Variants in SORL1 observed in about 807,000 individuals in gnomAD.
SORL1 encodes sortilin related receptor 1.
A neutral mutation model predicts 273.7 loss-of-function variants in SORL1; 127 were observed. The ratio of observed to expected loss-of-function variants is 0.46; its 90% CI spans 0.40 to 0.54. The LOEUF (loss-of-function observed/expected upper bound fraction) is 0.54. SORL1 is among the 20% of genes least tolerant of loss of function. The pLI is 0.00. For synonymous variants in SORL1, 1,031 were observed against 1,067.4 expected, an observed-to-expected ratio of 0.97 and a Z score of 0.66; for missense variants, 2,494 against 2,846.1, an observed-to-expected ratio of 0.88 and a Z score of 2.81.
rs573986189 is a variant in SORL1, at chr11:121,544,256, C to G, written c.1864+530C>G. ...CCTCTCAGCCTTGGCTAACCTGATT[C>G]TAGCTGCCCGGAGTGCCCTGTTTCT... On this transcript the variant is annotated intron_variant, in intron 13 of 47. Transcript: ENST00000260197. Among the ~76,000 whole-genome samples, 13 of 152,268 alleles carry G rather than the reference C, an allele frequency of 8.5e-5. No homozygotes were observed. The South Asian group carries it at 1.2e-3, about 15-fold the overall frequency.
chr11:121,533,391 G>A (rs1463058878), intron 12 of SORL1, among the ~76,000 whole-genome samples: 1 of 152,098 alleles, frequency 6.6e-6, no homozygotes, highest in Non-Finnish European at 1.5e-5. Flanking sequence ...TGGGTTTTTC[G>A]ATTGCGTCCT....
At chr11:121,572,712 G>A (rs1862861708) in intron 23 of SORL1, among the ~76,000 whole-genome samples, 1 of 152,082 alleles carries the variant, frequency 6.6e-6, no homozygotes, top group African/African-American at 2.4e-5. Context: ...GGAGGAGGGG[G>A]GACACCGGGA....
At chr11:121,499,521 G>A (rs991844228) in intron 6 of SORL1, among the ~76,000 whole-genome samples, 7 of 152,208 alleles carry the variant, frequency 4.6e-5, no homozygotes, top group African/African-American at 1.4e-4. Flanking sequence ...CCTTCTACAG[G>A]CAGATGCTTC....
intron 3 of SORL1, among the ~76,000 whole-genome samples, chr11:121,479,654 A>G (rs1205347235): frequency 6.6e-6 from 1 of 152,092 alleles, no homozygotes; most frequent in Non-Finnish European, 1.5e-5. Context: ...TGGGGAAGGG[A>G]CCACGCCATG....
intron 25 of SORL1, among the ~76,000 whole-genome samples, chr11:121,581,197 G>A (rs1276669849): frequency 6.6e-6 from 1 of 152,190 alleles, no homozygotes; most frequent in African/African-American, 2.4e-5. Flanking sequence ...ACAGGTATGA[G>A]CTACCACGCC....
intron 32 of SORL1, among the ~76,000 whole-genome samples, chr11:121,597,907 C>T (rs2134911524): frequency 6.6e-6 from 1 of 152,268 alleles, no homozygotes; most frequent in South Asian, 2.1e-4. Context: ...CCAGGAGAGG[C>T]AGCCCCATTG....
rs931580061 is a variant in SORL1, at chr11:121,631,608, A to G, written c.*2045A>G. On this transcript the variant is annotated 3_prime_UTR_variant, in exon 48 of 48. Transcript: ENST00000260197. ...CTGATATAAAAGGCTCTGAGATGTT[A>G]TTTTCAGTTATTCCATAGGCAAGCC... 2.0e-5 allele frequency: 3 copies of G among 152,118 alleles called. No homozygotes were observed. Among genetic ancestry groups the G allele is most frequent in the African/African-American group, 7.2e-5 (3 of 41,400 alleles). The allele number at this position is 152,118 out of a possible 1,614,324, so 9.4% of individuals were successfully genotyped here. A position where few individuals can be genotyped will look rare whatever the true frequency, so the allele number is the denominator to read the frequency against.
At chr11:121,518,753 G>T (rs142766320) in intron 8 of SORL1, among the ~76,000 whole-genome samples, 3 of 152,274 alleles carry the variant, frequency 2.0e-5, no homozygotes, top group African/African-American at 7.2e-5. Flanking sequence ...AAGCTGCTTT[G>T]GTGGGGCTCC....
intron 11 of SORL1, among the ~76,000 whole-genome samples, chr11:121,524,442 A>G (rs1862088922): frequency 6.6e-6 from 1 of 152,240 alleles, no homozygotes; most frequent in African/African-American, 2.4e-5. Flanking sequence ...CAACCAGTGC[A>G]TAAGAGACCT....
intron 24 of SORL1, among the ~76,000 whole-genome samples, chr11:121,575,189 T>C (rs1200157099): frequency 6.6e-6 from 1 of 152,228 alleles, no homozygotes; most frequent in Admixed American, 6.5e-5. Context: ...ACAATTAGTT[T>C]GTGTCAGAAT....
At chr11:121,574,185 A>G (rs979401495) in intron 23 of SORL1, 56 bp from the exon 24 acceptor site, 8 of 1,573,848 alleles carry the variant, frequency 5.1e-6, no homozygotes, top group African/African-American at 1.4e-5. Context: ...GGATGTTTAC[A>G]TTTGTGGGAA....
intron 17 of SORL1, 161 bp from the exon 18 acceptor site, chr11:121,555,026 A>G (rs1862556249): frequency 5.7e-6 from 4 of 700,412 alleles, no homozygotes; most frequent in Non-Finnish European, 9.0e-6. Flanking sequence ...AAATGCTTTC[A>G]TGAAAACCTG....
At chr11:121,481,751 G>A (rs12284214) in intron 3 of SORL1, among the ~76,000 whole-genome samples, 1 of 132,640 alleles carries the variant, frequency 7.5e-6, no homozygotes, top group African/African-American at 3.0e-5. Flanking sequence ...CTCCCCTAGT[G>A]CACAGATGTC....
chr11:121,630,159 C>T lies in SORL1; in HGVS notation c.*596C>T, dbSNP rs556813849. On this transcript the variant is annotated 3_prime_UTR_variant, in exon 48 of 48. Transcript: ENST00000260197. ...TGGGAAGAGAAGCATATTTTTTTGC[C>T]ATTCCGGAAGCAATCCATTTTTATT... 6.5e-6 allele frequency: 1 copy of T among 152,916 alleles called. No individual in the cohort carries two copies. The highest frequency in any genetic ancestry group is 1.5e-5 in the Non-Finnish European group (1 of 68,512). 9.5% of individuals were successfully genotyped at this position (152,916 alleles called of 1,614,324 possible).
At chr11:121,578,635 T>C (rs1395483410) in intron 25 of SORL1, among the ~76,000 whole-genome samples, 2 of 152,222 alleles carry the variant, frequency 1.3e-5, no homozygotes, top group African/African-American at 2.4e-5. Context: ...AGAACCTTTG[T>C]GGATTGAGTA....
At position 121,467,191 on chromosome 11, in the gene SORL1, G is replaced by A. The variant is rs184980130; in HGVS notation, c.286-2816G>A. On this transcript the variant is annotated intron_variant, in intron 1 of 47. Coordinates refer to ENST00000260197, the MANE Select transcript of SORL1 (RefSeq NM_003105.6). The stretch of plus-strand genomic sequence containing the variant: ...ACTACAGGCACCCGCCACCACGCCC[G>A]GCTAATTTTTTGTATTTTTAGTAGA... Among the ~76,000 whole-genome samples, 782 of 151,952 alleles carry A rather than the reference G, an allele frequency of 5.1e-3. 4 individuals carry two copies. Among genetic ancestry groups the A allele is most frequent in the African/African-American group, 0.017 (720 of 41,440 alleles).
At chr11:121,560,736 A>G (rs1335894277) in intron 21 of SORL1, among the ~76,000 whole-genome samples, 3 of 152,234 alleles carry the variant, frequency 2.0e-5, no homozygotes, top group East Asian at 1.9e-4. Flanking sequence ...TGGGAAAACT[A>G]TAAAGTGTCT....
At chr11:121,556,830 A>G (rs1862593911) in intron 18 of SORL1, among the ~76,000 whole-genome samples, 1 of 152,208 alleles carries the variant, frequency 6.6e-6, no homozygotes, top group South Asian at 2.1e-4. Context: ...TCAGGCTTGG[A>G]GAAGCAAGAG....
At chr11:121,569,333 G>A (rs1308641318) in intron 22 of SORL1, among the ~76,000 whole-genome samples, 5 of 152,242 alleles carry the variant, frequency 3.3e-5, no homozygotes, top group Non-Finnish European at 7.3e-5. Context: ...TAACAGCAAT[G>A]TTCAGGGAAC....
Sources: allele counts gnomAD v4.1 joint callset (sites outside exome capture counted in the v4.1 genomes callset), GRCh38; gene constraint gnomAD v4.1.1; transcripts MANE v1.5; gene names NCBI Gene and HGNC (gene_info 2026-07-23, HGNC 2026-07-21).